SDHA: variants seen among roughly 807,000 people sequenced by gnomAD.
The protein encoded by SDHA is succinate dehydrogenase [ubiquinone] flavoprotein subunit, mitochondrial.
In SDHA, 48 loss-of-function variants were observed where a neutral mutation model predicts 78.4. The observed-to-expected ratio is 0.61, with a 90% CI of 0.49 to 0.78. The LOEUF is 0.78. Among genes scored for constraint, SDHA ranks in the 30% least tolerant of loss-of-function variants. The pLI is 0.00. For missense variants in SDHA, 680 were observed against 892.7 expected (o/e 0.76, Z 3.04); for synonymous variants, 326 against 353.9 (o/e 0.92, Z 0.88).
chr5:266,598 G>T, the SDHA span, among the ~76,000 whole-genome samples: 1 of 152,232 alleles, frequency 6.6e-6, no homozygotes, highest in Non-Finnish European at 1.5e-5. Context: ...GAACCCATGT[G>T]TGTGAGGAGA....
chr5:242,960 C>A (rs183494295), intron 11 of SDHA, among the ~76,000 whole-genome samples: 329 of 152,288 alleles, frequency 2.2e-3, no homozygotes, highest in African/African-American at 7.4e-3. Flanking sequence ...CATCCCTACC[C>A]TTCTGCACCC....
chr5:236,052 TCTCA>T (rs1735756693), intron 9 of SDHA: 1 of 321,892 alleles, frequency 3.1e-6, no homozygotes, highest in Non-Finnish European at 6.1e-6. Context: ...GGAGATGCAG[TCTCA>T]CTCTGTTGCT....
chr5:226,966 TCTTTTAC>T (rs1224317858), intron 5 of SDHA, among the ~76,000 whole-genome samples: 59 of 151,304 alleles, frequency 3.9e-4, no homozygotes, highest in African/African-American at 1.3e-3. Context: ...ATTTTAAGTC[TCTTTTAC>T]CACCTCTGAG....
chr5:246,101 T>G (rs1465834424), intron 11 of SDHA, among the ~76,000 whole-genome samples: 1 of 152,054 alleles, frequency 6.6e-6, no homozygotes, highest in African/African-American at 2.4e-5. Flanking sequence ...CAGAGAAGAC[T>G]CGAGCTGCAG....
intron 11 of SDHA, among the ~76,000 whole-genome samples, chr5:243,889 T>A (rs1736285909): frequency 6.6e-6 from 1 of 152,192 alleles, no homozygotes; most frequent in East Asian, 1.9e-4. Flanking sequence ...AAATACTCCG[T>A]TTCCTGGAGG....
chr5:239,615 A>G (rs975256743), intron 10 of SDHA, among the ~76,000 whole-genome samples: 3 of 151,952 alleles, frequency 2.0e-5, no homozygotes, highest in Non-Finnish European at 2.9e-5. Context: ...TAAGAGTCCA[A>G]ATCAACAGGT....
chr5:268,287 A>G, the SDHA span, among the ~76,000 whole-genome samples: 1 of 150,954 alleles, frequency 6.6e-6, no homozygotes, highest in Non-Finnish European at 1.5e-5. Flanking sequence ...GGTTCACGCC[A>G]TTCTCCTGCC....
downstream of SDHA, among the ~76,000 whole-genome samples, chr5:257,542 T>C (rs1737283253): frequency 2.2e-5 from 3 of 134,362 alleles, no homozygotes; most frequent in Non-Finnish European, 4.7e-5. Flanking sequence ...CTGTGTGAGC[T>C]CCGCGCCCTG....
chr5:228,367 A>G (rs1342394100), intron 6 of SDHA, 34 bp downstream of exon 6: 5 of 1,587,538 alleles, frequency 3.1e-6, no homozygotes, highest in East Asian at 2.3e-5. Flanking sequence ...TTTTGTTTAT[A>G]AAAATGAATA....
chr5:252,717 G>GA (rs1736924917), intron 13 of SDHA, among the ~76,000 whole-genome samples: 1 of 151,196 alleles, frequency 6.6e-6, no homozygotes, highest in African/African-American at 2.4e-5. Context: ...CCCTGTGGAG[G>GA]AAATGCCAGT....
intron 12 of SDHA, 110 bp from the exon 13 acceptor site, chr5:251,228 T>A (rs1259460563): frequency 2.0e-6 from 3 of 1,496,572 alleles, no homozygotes; most frequent in African/African-American, 1.4e-5. Flanking sequence ...GGCCCACAGC[T>A]ATAAAGCCAC....
At chr5:229,756 A>G (rs1232582642) in intron 6 of SDHA, among the ~76,000 whole-genome samples, 2 of 149,252 alleles carry the variant, frequency 1.3e-5, no homozygotes, top group African/African-American at 5.1e-5. Flanking sequence ...ATTATACAGC[A>G]TGGTGGTTAG....
At chr5:226,073 A>G in intron 5 of SDHA, 26 bp downstream of exon 5, 1 of 1,613,590 alleles carries the variant, frequency 6.2e-7, no homozygotes, top group African/African-American at 1.3e-5. Flanking sequence ...TCCACCTGAG[A>G]CAGGACACGT....
At chr5:245,001 G>T (rs1191446426) in intron 11 of SDHA, among the ~76,000 whole-genome samples, 1 of 152,196 alleles carries the variant, frequency 6.6e-6, no homozygotes, top group Non-Finnish European at 1.5e-5. Context: ...TATTATTTTT[G>T]ATGGCGGCCA....
chr5:220,376 T>C, intron 1 of SDHA: 1 of 426,822 alleles, frequency 2.3e-6, no homozygotes. Context: ...ACATCCAATA[T>C]ATTGTTCTAG....
At chr5:250,493 C>G (rs1367815039) in intron 11 of SDHA, 1 of 232,702 alleles carries the variant, frequency 4.3e-6, no homozygotes, top group East Asian at 1.1e-4. Context: ...GCCAAGGGCC[C>G]CAGCCACCCA....
intron 11 of SDHA, among the ~76,000 whole-genome samples, chr5:241,826 G>A (rs550395506): frequency 6.6e-6 from 1 of 152,346 alleles, no homozygotes; most frequent in South Asian, 2.1e-4. Context: ...CTTCAGGGAG[G>A]CTTTGTGGAA....
In SDHA at chr5:244,676, A is replaced by G. The variant is rs1163286411; in HGVS notation, c.1551+4200A>G. The stretch of plus-strand genomic sequence containing the variant: ...ACTGGCCGTCTGTGTGGCCAATTCA[A>G]CCTGCTCAATTTAACATAGTTGGAG... On this transcript the variant is annotated intron_variant, in intron 11 of 14. Coordinates refer to ENST00000264932, the MANE Select transcript of SDHA (RefSeq NM_004168.4). 3.3e-5 allele frequency among the ~76,000 whole-genome samples: 5 copies of G among 152,178 alleles called. No homozygotes were observed. The East Asian group carries it at 5.8e-4, about 18-fold the overall frequency.
chr5:265,990 G>A, the SDHA span, among the ~76,000 whole-genome samples: 3 of 146,094 alleles, frequency 2.1e-5, no homozygotes, highest in East Asian at 1.9e-4. Context: ...CAGATCTTCC[G>A]ATTCAGTCCT....
Sources: gnomAD v4.1 joint callset for allele counts (sites outside exome capture counted in the v4.1 genomes callset) on GRCh38, gnomAD v4.1.1 for gene constraint, MANE v1.5 for transcripts, NCBI Gene and HGNC (gene_info 2026-07-23, HGNC 2026-07-21) for gene names.